The following MVP variants were observed in gnomAD, a reference collection of about 807,000 sequenced individuals.
MVP encodes the protein lung resistance-related protein.
MVP carries 62 observed loss-of-function variants against 83.5 expected under a neutral mutation model. The observed-to-expected ratio is 0.74, with a 90% CI of 0.61 to 0.92. MVP has a LOEUF of 0.92. Among genes scored for constraint, MVP ranks in the 40% least tolerant of loss-of-function variants. The pLI is 0.00. For missense variants in MVP, 1,000 were observed against 1,203.4 expected (o/e 0.83, Z 2.50); for synonymous variants, 505 against 504.1 (o/e 1.00, Z -0.02).
At position 29,831,856 on chromosome 16, in the gene MVP, C is replaced by T. The variant is rs571169979; in HGVS notation, c.321+783C>T. The T allele has an allele frequency of 3.4e-4, 128 of 381,278 alleles. 1 individual carries two copies. The highest frequency in any genetic ancestry group is 2.4e-3 in the South Asian group (124 of 52,114). 23.6% of individuals were successfully genotyped at this position (381,278 alleles called of 1,614,324 possible). On this transcript the variant is annotated intron_variant, in intron 3 of 14. Transcript: ENST00000357402. ...GTCCCCGTTGGCCTCAGGCCTGGGC[C>T]TGAGCAGGTGGGTGTCCCACCTTCA...
intron 1 of MVP, chr16:29,820,879 T>A (rs1303323392): frequency 6.6e-6 from 1 of 152,424 alleles, no homozygotes; most frequent in Non-Finnish European, 1.5e-5. Flanking sequence ...TCTACTCACC[T>A]GCACTGTCCT....
In MVP at chr16:29,846,274, C is replaced by A. The variant is rs866580330; in HGVS notation, c.2255C>A (p.Ala752Asp). 1 of 1,564,014 alleles carries A rather than the reference C, an allele frequency of 6.4e-7. No homozygotes were observed. The highest frequency in any genetic ancestry group is 1.9e-5 in the Admixed American group (1 of 52,120). ...GCCAAGCTAAAAGCACAGGCCTTGG[C>A]CATTGAAACGGTGAGTGGGGGGAGG... ...LQAKLKAQAL[A>D]IETEAELQRV... The change falls in exon 13 of 15, where the codon GCC becomes GAC. Residue 752 changes from alanine to aspartate, a missense_variant. Ala to Asp is a moderately radical substitution (Grantham distance 126, BLOSUM62 -2). Coordinates refer to ENST00000357402, the MANE Select transcript of MVP (RefSeq NM_005115.5).
intron 1 of MVP, among the ~76,000 whole-genome samples, chr16:29,824,743 C>T (rs1246853614): frequency 3.9e-5 from 6 of 152,090 alleles, no homozygotes; most frequent in African/African-American, 1.4e-4. Flanking sequence ...GCCTGGGCTA[C>T]AGTCTCCAAA....
intron 7 of MVP, among the ~76,000 whole-genome samples, chr16:29,838,738 A>C (rs2067508659): frequency 6.6e-6 from 1 of 152,138 alleles, no homozygotes; most frequent in Non-Finnish European, 1.5e-5. Flanking sequence ...AAAGTGGGAA[A>C]ATCGCTTGAC....
Position 29,847,239 on chromosome 16 carries a change from C to A in MVP, c.2308C>A (p.Leu770Met). 6.2e-7 allele frequency: 1 copy of A among 1,613,722 alleles called. No individual in the cohort carries two copies. Among genetic ancestry groups the A allele is most frequent in the Non-Finnish European group, 8.5e-7 (1 of 1,180,006 alleles). ...QRVQKVRELE[L>M]VYARAQLELE... ...GGTCCAGAAGGTCCGAGAGCTGGAA[C>A]TGGTCTATGCCCGGGCCCAGCTGGA... The change falls in exon 14 of 15, where the codon CTG becomes ATG. Residue 770 changes from leucine to methionine, a missense_variant. Physicochemically the swap from Leu to Met is conservative, Grantham distance 15 (BLOSUM62 2). Transcript: ENST00000357402.
intron 3 of MVP, chr16:29,833,426 A>T: frequency 3.6e-6 from 1 of 281,154 alleles, no homozygotes; most frequent in South Asian, 3.5e-5. Flanking sequence ...CCTCCCGAGT[A>T]GCTGGGACTA....
rs575897724 is a variant in MVP, at chr16:29,837,024, C to T, written c.909+66C>T. ...TGTATGTCCTCTAGTGGCATGAGGC[C>T]CTCTGCCTTCTCTCCTCCAGACGCA... On this transcript the variant is annotated intron_variant, in intron 7 of 14. Coordinates refer to ENST00000357402, the MANE Select transcript of MVP (RefSeq NM_005115.5). 2.8e-6 allele frequency: 4 copies of T among 1,437,736 alleles called. No individual in the cohort carries two copies. In the East Asian group the frequency reaches 9.4e-5, roughly 34 times the overall value. The allele number at this position is 1,437,736 out of a possible 1,614,324, so 89.1% of individuals were successfully genotyped here.
rs2067491274 is a variant in MVP, at chr16:29,836,820, GGCCCACGTGCCAGAT to G, written c.773_787del (p.Ala258_Asp262del). 1 of 1,613,780 alleles carries G rather than the reference GGCCCACGTGCCAGAT, an allele frequency of 6.2e-7. No individual in the cohort carries two copies. The highest frequency in any genetic ancestry group is 8.5e-7 in the Non-Finnish European group (1 of 1,179,946). On this transcript the variant is annotated inframe_deletion, in exon 7 of 15. Coordinates refer to ENST00000357402, the MANE Select transcript of MVP (RefSeq NM_005115.5). The stretch of plus-strand genomic sequence containing the variant: ...GGCTGGTAACAGTGCAGGACACAGA[GGCCCACGTGCCAGAT>G]GTCCACGAGGAGGTGCTGGGGGTTG...
chr16:29,826,976 T>C (rs2067409022), intron 1 of MVP, among the ~76,000 whole-genome samples: 1 of 150,062 alleles, frequency 6.7e-6, no homozygotes, highest in Non-Finnish European at 1.5e-5. Context: ...CCCTCTGGAC[T>C]CTAGGAAGTC....
At chr16:29,827,217 G>C (rs1232757166) in intron 1 of MVP, among the ~76,000 whole-genome samples, 1 of 152,162 alleles carries the variant, frequency 6.6e-6, no homozygotes, top group African/African-American at 2.4e-5. Context: ...GAGCAAAAAT[G>C]AGCAACAGAA....
At chr16:29,823,083 T>C (rs2067375214) in intron 1 of MVP, among the ~76,000 whole-genome samples, 1 of 151,734 alleles carries the variant, frequency 6.6e-6, no homozygotes, top group Non-Finnish European at 1.5e-5. Flanking sequence ...TACCTTTGAC[T>C]TGAAGAGCAG....
Position 29,846,138 on chromosome 16 carries a change from T to G in MVP, c.2139-20T>G, listed in dbSNP as rs1302435005. 5.0e-6 allele frequency: 8 copies of G among 1,605,464 alleles called. No homozygotes were observed. The highest frequency in any genetic ancestry group is 6.8e-6 in the Non-Finnish European group (8 of 1,174,788). On this transcript the variant is annotated intron_variant, in intron 12 of 14. Transcript: ENST00000357402. The stretch of plus-strand genomic sequence containing the variant: ...ACTGGGCTGTCTCCCGGGTCTTACC[T>G]GACTCTGCCTTCTCCCCAGCATGGC...
chr16:29,825,962 C>A (rs754536852), intron 1 of MVP: 5 of 152,312 alleles, frequency 3.3e-5, no homozygotes, highest in Admixed American at 6.5e-5. Flanking sequence ...TGCGGAGAAC[C>A]CTCCAAGGGA....
intron 14 of MVP, 138 bp downstream of exon 14, chr16:29,847,523 T>A: frequency 1.1e-6 from 1 of 897,856 alleles, no homozygotes; most frequent in African/African-American, 1.7e-5. Context: ...GCAGGGACAT[T>A]CACACAGTGT....
intron 3 of MVP, 174 bp from the exon 4 acceptor site, chr16:29,833,559 C>A: frequency 1.4e-6 from 1 of 692,206 alleles, no homozygotes. Context: ...ATCCTCCTAC[C>A]TCAGTCTCCC....
intron 1 of MVP, among the ~76,000 whole-genome samples, chr16:29,825,177 G>T (rs2067396292): frequency 6.6e-6 from 1 of 152,148 alleles, no homozygotes; most frequent in South Asian, 2.1e-4. Context: ...GTTCTTGCAG[G>T]AGCCTCATGA....
intron 1 of MVP, among the ~76,000 whole-genome samples, chr16:29,827,659 A>G (rs192253498): frequency 1.3e-4 from 20 of 152,302 alleles, no homozygotes; most frequent in African/African-American, 4.8e-4. Context: ...TACCCCTGTA[A>G]TCTCAGCACT....
chr16:29,834,451 C>G (rs1254520185), intron 5 of MVP: 4 of 282,322 alleles, frequency 1.4e-5, no homozygotes, highest in Non-Finnish European at 2.8e-5. Context: ...GGTGAATCGT[C>G]TGAGCCCAGG....
chr16:29,847,726 C>A, intron 14 of MVP, 36 bp from the exon 15 acceptor site: 2 of 1,595,484 alleles, frequency 1.3e-6, no homozygotes, highest in Non-Finnish European at 1.7e-6. Context: ...CAGGGTTTGA[C>A]GCCCATCTCA....
Sources: gnomAD v4.1 joint callset for allele counts (sites outside exome capture counted in the v4.1 genomes callset) on GRCh38, gnomAD v4.1.1 for gene constraint, MANE v1.5 for transcripts, NCBI Gene and HGNC (gene_info 2026-07-23, HGNC 2026-07-21) for gene names.